PEAK1: variants seen among roughly 807,000 people sequenced by gnomAD.
The protein encoded by PEAK1 is inactive tyrosine-protein kinase PEAK1.
In PEAK1, 54 loss-of-function variants were observed where a neutral mutation model predicts 124.7. The ratio of observed to expected loss-of-function variants is 0.43; its 90% CI spans 0.35 to 0.54. The LOEUF is 0.54. PEAK1 is among the 20% of genes least tolerant of loss of function. The probability of loss-of-function intolerance (pLI) is 0.01; values close to 1 mark genes in which losing one functional copy is unlikely to be tolerated. For missense variants in PEAK1, 2,046 were observed against 2,134.5 expected (o/e 0.96, Z 0.82); for synonymous variants, 719 against 760.0 (o/e 0.95, Z 0.89).
At chr15:77,261,729 C>A (rs2061452642) in intron 5 of PEAK1, among the ~76,000 whole-genome samples, 1 of 152,082 alleles carries the variant, frequency 6.6e-6, no homozygotes, top group Non-Finnish European at 1.5e-5. Flanking sequence ...GCAAGGCAGG[C>A]CAACATTCAG....
At chr15:77,104,785 G>GA (rs2050730219), downstream of PEAK1, 2 of 152,216 alleles carry the variant, frequency 1.3e-5, no homozygotes, top group African/African-American at 4.8e-5. Context: ...AGGATCTGGG[G>GA]CAAACAAACC....
At chr15:77,333,838 A>G in intron 2 of PEAK1, 1 of 642,028 alleles carries the variant, frequency 1.6e-6, no homozygotes, top group Non-Finnish European at 1.9e-6. Flanking sequence ...TGGTGGTGCA[A>G]TTCCAACTTC....
intron 2 of PEAK1, among the ~76,000 whole-genome samples, chr15:77,357,093 CCA>C (rs754448494): frequency 3.3e-5 from 5 of 152,062 alleles, no homozygotes; most frequent in Non-Finnish European, 5.9e-5. Flanking sequence ...GTAAGAGGAC[CCA>C]CTCTCTAAAA....
intron 2 of PEAK1, among the ~76,000 whole-genome samples, chr15:77,344,070 A>C (rs1168546401): frequency 6.6e-6 from 1 of 152,144 alleles, no homozygotes; most frequent in African/African-American, 2.4e-5. Flanking sequence ...TGACTATATA[A>C]GCAAGGATTT....
At chr15:77,193,087 G>C (rs1321883549) in intron 6 of PEAK1, among the ~76,000 whole-genome samples, 1 of 152,024 alleles carries the variant, frequency 6.6e-6, no homozygotes, top group East Asian at 1.9e-4. Context: ...TGCAAATTTG[G>C]GTTAAAATAC....
intron 6 of PEAK1, among the ~76,000 whole-genome samples, chr15:77,212,583 T>C (rs2058954325): frequency 6.6e-6 from 1 of 152,220 alleles, no homozygotes. Flanking sequence ...CGGAGACTCA[T>C]AACAGAATTT....
At chr15:77,420,790 A>G (rs998404847), upstream of PEAK1, 33 of 398,428 alleles carry the variant, frequency 8.3e-5, no homozygotes, top group African/African-American at 5.7e-4. Context: ...TGTAAATGCT[A>G]TGCGGTAAGA....
intron 1 of PEAK1, chr15:77,419,507 C>G: frequency 2.0e-6 from 2 of 985,338 alleles, no homozygotes; most frequent in African/African-American, 1.7e-5. Context: ...CCACCCGGCT[C>G]CGTCCCGACG....
At chr15:77,118,397 T>C (rs866305407) in intron 9 of PEAK1, among the ~76,000 whole-genome samples, 2 of 152,162 alleles carry the variant, frequency 1.3e-5, no homozygotes, top group South Asian at 4.1e-4. Context: ...GTAGCCATTT[T>C]TCAAATATTA....
chr15:77,337,064 A>G (rs2066249369), intron 2 of PEAK1: 1 of 920,180 alleles, frequency 1.1e-6, no homozygotes, highest in African/African-American at 1.8e-5. Context: ...CAGAATGAGT[A>G]AAGATAGGAA....
At chr15:77,419,714 C>A (rs1483986735) in intron 1 of PEAK1, 3 of 971,008 alleles carry the variant, frequency 3.1e-6, no homozygotes, top group Non-Finnish European at 3.7e-6. Flanking sequence ...CTCTGGGGGG[C>A]GTCGCGCTCC....
At chr15:77,258,496 AT>A (rs1596945407) in intron 5 of PEAK1, among the ~76,000 whole-genome samples, 1 of 152,038 alleles carries the variant, frequency 6.6e-6, no homozygotes, top group Admixed American at 6.5e-5. Flanking sequence ...GCAATTGTGA[AT>A]GGGAGTTCAC....
chr15:77,151,671 T>C (rs1350409511), intron 8 of PEAK1, among the ~76,000 whole-genome samples: 2 of 152,212 alleles, frequency 1.3e-5, no homozygotes, highest in Non-Finnish European at 2.9e-5. Context: ...TTAATCCATC[T>C]TGAATTAATT....
chr15:77,403,544 T>C, intron 1 of PEAK1: 1 of 972,618 alleles, frequency 1.0e-6, no homozygotes, highest in Non-Finnish European at 1.2e-6. Context: ...GGTAGCATAT[T>C]TATTTAGAAA....
chr15:77,303,344 T>G (rs2063890576), intron 2 of PEAK1, among the ~76,000 whole-genome samples: 1 of 152,240 alleles, frequency 6.6e-6, no homozygotes, highest in African/African-American at 2.4e-5. Flanking sequence ...CCAAAGTGGC[T>G]GTAACATTTT....
intron 7 of PEAK1, among the ~76,000 whole-genome samples, chr15:77,173,133 CTT>C (rs954684550): frequency 6.6e-6 from 1 of 152,088 alleles, no homozygotes; most frequent in Admixed American, 6.6e-5. Flanking sequence ...GGTGCCATGG[CTT>C]TGATTTATGC....
At chr15:77,182,498 A>T (rs2057328094) in intron 6 of PEAK1, among the ~76,000 whole-genome samples, 1 of 152,064 alleles carries the variant, frequency 6.6e-6, no homozygotes, top group South Asian at 2.1e-4. Flanking sequence ...CTGTAATCTC[A>T]GCATGTTGGG....
intron 7 of PEAK1, among the ~76,000 whole-genome samples, chr15:77,159,724 T>C (rs2055465094): frequency 1.3e-5 from 2 of 152,224 alleles, no homozygotes; most frequent in African/African-American, 4.8e-5. Context: ...ATGGTGACAT[T>C]TACCAGTTTC....
chr15:77,213,050 A>G (rs971503892), intron 6 of PEAK1, among the ~76,000 whole-genome samples: 3 of 152,258 alleles, frequency 2.0e-5, no homozygotes, highest in African/African-American at 7.2e-5. Flanking sequence ...CTGAAAGATC[A>G]TAATTCCCTA....
Sources: allele counts gnomAD v4.1 joint callset (sites outside exome capture counted in the v4.1 genomes callset), GRCh38; gene constraint gnomAD v4.1.1; transcripts MANE v1.5; gene names NCBI Gene and HGNC (gene_info 2026-07-23, HGNC 2026-07-21).